The following RGS9 variants were observed in gnomAD, a reference collection of about 807,000 sequenced individuals.
The protein encoded by RGS9 is regulator of G-protein signalling 9.
In RGS9, 78 loss-of-function variants were observed where a neutral mutation model predicts 102.0. The ratio of observed to expected loss-of-function variants is 0.76; its 90% CI spans 0.64 to 0.92. The LOEUF (loss-of-function observed/expected upper bound fraction) is 0.92, where lower values mean the gene tolerates loss of function less well. Ranked by LOEUF, RGS9 falls within the 40% of genes least tolerant of loss-of-function variation. The pLI is 0.00. For synonymous variants in RGS9, 353 were observed against 318.6 expected, an observed-to-expected ratio of 1.11 and a Z score of -1.15; for missense variants, 833 against 866.1, an observed-to-expected ratio of 0.96 and a Z score of 0.48.
rs1187294432 is a variant in RGS9 at position 65,158,156 on chromosome 17, T to C, written c.155-139T>C. On this transcript the variant is annotated intron_variant, in intron 2 of 18. Coordinates refer to ENST00000262406, the MANE Select transcript of RGS9 (RefSeq NM_003835.4). ...AGAGCTGGGACTGAGCATGATGAGG[T>C]GGGGGTTTCTGAAGGTTCTGAGCGA... 4 of 796,572 alleles carry C rather than the reference T, an allele frequency of 5.0e-6. No homozygotes were observed. The African/African-American group carries it at 6.8e-5, about 13-fold the overall frequency. 49.3% of individuals were successfully genotyped at this position (796,572 alleles called of 1,614,324 possible).
intron 7 of RGS9, 68 bp downstream of exon 7, chr17:65,163,157 T>C: frequency 1.4e-6 from 1 of 720,716 alleles, no homozygotes; most frequent in Non-Finnish European, 2.2e-6. Flanking sequence ...TTTGTTTCTT[T>C]TTATTTATTT....
At chr17:65,193,806 A>T (rs751529381) in intron 12 of RGS9, 150 bp downstream of exon 12, 30 of 642,588 alleles carry the variant, frequency 4.7e-5, no homozygotes, top group Non-Finnish European at 7.5e-5. Context: ...TTCATTACAC[A>T]AAAAAGAAAC....
At chr17:65,154,703 G>A (rs968174168) in intron 2 of RGS9, among the ~76,000 whole-genome samples, 1 of 152,122 alleles carries the variant, frequency 6.6e-6, no homozygotes, top group East Asian at 1.9e-4. Context: ...AGGGCTGGAC[G>A]CCAATATTAA....
chr17:65,227,427 T>C lies in RGS9; in HGVS notation c.*20T>C. On this transcript the variant is annotated 3_prime_UTR_variant, in exon 19 of 19. Coordinates refer to ENST00000262406, the MANE Select transcript of RGS9 (RefSeq NM_003835.4). ...CTGTAAGGAAAGAGGCAGGCTGAGC[T>C]GGGGGCTCTGGACCAGGAAGATGCT... is the stretch of plus-strand genomic sequence containing the variant. The C allele has an allele frequency of 6.2e-7, 1 of 1,605,834 alleles. No individual in the cohort carries two copies. Among genetic ancestry groups the C allele is most frequent in the East Asian group, 2.2e-5 (1 of 44,466 alleles).
chr17:65,157,883 C>A (rs1253640883), intron 2 of RGS9, among the ~76,000 whole-genome samples: 1 of 152,022 alleles, frequency 6.6e-6, no homozygotes, highest in African/African-American at 2.4e-5. Context: ...CAGAGCCCTG[C>A]AAACAGCTTG....
intron 8 of RGS9, among the ~76,000 whole-genome samples, chr17:65,176,582 C>T (rs1215102107): frequency 2.0e-5 from 3 of 152,202 alleles, no homozygotes; most frequent in African/African-American, 7.2e-5. Context: ...GATGAAACCA[C>T]AGAGTGTGGG....
At position 65,160,887 on chromosome 17, in the gene RGS9, G is replaced by A. The variant is rs752804159; in HGVS notation, c.401G>A (p.Gly134Glu). 2 of 1,613,666 alleles carry A rather than the reference G, an allele frequency of 1.2e-6. No individual in the cohort carries two copies. Among genetic ancestry groups the A allele is most frequent in the Admixed American group, 1.7e-5 (1 of 60,006 alleles). Residue 134 changes from glycine (G) to glutamate (E), a missense_variant, in exon 6 of 19, where the codon GGG (glycine) becomes GAG (glutamate). Physicochemically the swap from Gly to Glu is moderately conservative, Grantham distance 98. Around this residue, in one of 3 missense-constraint regions of RGS9, gnomAD observed 328 missense variants for 340.6 expected, o/e 0.96. Transcript: ENST00000262406. The stretch of plus-strand genomic sequence containing the variant: ...GCCAAGCGAAATATCAAAAAGAAAG[G>A]GATTTTGGAAGAATATGAAAAGGTA... Reference protein sequence around the residue: ...YLAKRNIKKKGILEEYEKENY... With the variant: ...YLAKRNIKKKEILEEYEKENY...
Position 65,153,462 on chromosome 17 carries a change from GGGTCCGAATGCAGAACCAGA to G in RGS9, c.101_120del (p.Val34GlyfsTer14). ...AAGGACATGCAGAACCCAGAGACAG[GGGTCCGAATGCAGAACCAGA>G]GGGTCCTGGTCACCAGCGTTCCTCA... On this transcript the variant is annotated frameshift_variant, in exon 2 of 19. Transcript: ENST00000262406. LOFTEE classifies it high-confidence loss of function. The G allele has an allele frequency of 6.2e-7, 1 of 1,614,184 alleles. No homozygotes were observed. The highest frequency in any genetic ancestry group is 8.5e-7 in the Non-Finnish European group (1 of 1,180,004).
At chr17:65,189,419 T>A in intron 10 of RGS9, 104 bp downstream of exon 10, 1 of 866,750 alleles carries the variant, frequency 1.2e-6, no homozygotes, top group South Asian at 1.4e-5. Flanking sequence ...GAAAACCACG[T>A]GCAATGTTCA....
rs755329203 is a variant in RGS9, at chr17:65,225,309, C to T, written c.1715C>T (p.Ala572Val). The change falls in exon 18 of 19, where the codon GCC (alanine) becomes GTC (valine). Residue 572 changes from alanine (A) to valine (V), a missense_variant. Around this residue, in one of 3 missense-constraint regions of RGS9, gnomAD observed 320 missense variants for 276.8 expected, o/e 1.16. Transcript: ENST00000262406. ...DTSWPRSRPR[A>V]PPKARMALSF... Reference sequence around the variant, plus strand: ...TCCTGGCCTCGCAGCCGGCCCAGGGCCCCTCCTAAGGCCCGCATGGCTCTG... The same window carrying T: ...TCCTGGCCTCGCAGCCGGCCCAGGGTCCCTCCTAAGGCCCGCATGGCTCTG... 2 of 1,610,064 alleles carry T rather than the reference C, an allele frequency of 1.2e-6. No individual in the cohort carries two copies. The highest frequency in any genetic ancestry group is 1.3e-5 in the African/African-American group (1 of 75,048).
intron 16 of RGS9, among the ~76,000 whole-genome samples, chr17:65,209,686 C>A (rs1598617991): frequency 6.6e-6 from 1 of 152,190 alleles, no homozygotes; most frequent in Admixed American, 6.5e-5. Context: ...AGCCCACCAG[C>A]CCTCTTCAGG....
chr17:65,197,268 TA>T, intron 13 of RGS9, 27 bp downstream of exon 13: 1 of 1,411,870 alleles, frequency 7.1e-7, no homozygotes, highest in Non-Finnish European at 9.9e-7. Context: ...AAAAAAAAAT[TA>T]AAATAACTTA....
At chr17:65,177,356 C>T (rs755309727) in intron 8 of RGS9, among the ~76,000 whole-genome samples, 3 of 151,928 alleles carry the variant, frequency 2.0e-5, no homozygotes, top group Non-Finnish European at 4.4e-5. Flanking sequence ...CACTCACCCA[C>T]CCATCAACCA....
chr17:65,208,083 T>G (rs1913141030), intron 16 of RGS9, 76 bp downstream of exon 16: 1 of 962,230 alleles, frequency 1.0e-6, no homozygotes, highest in Non-Finnish European at 1.7e-6. Flanking sequence ...TTCAGCCAAA[T>G]GGCTATTATG....
intron 17 of RGS9, among the ~76,000 whole-genome samples, chr17:65,223,272 T>G (rs1567896582): frequency 6.6e-6 from 1 of 152,248 alleles, no homozygotes; most frequent in Admixed American, 6.5e-5. Context: ...AATAACCCCA[T>G]GGCCCTGGGC....
intron 8 of RGS9, 150 bp from the exon 9 acceptor site, chr17:65,177,582 G>T: frequency 1.3e-6 from 1 of 796,724 alleles, no homozygotes; most frequent in Non-Finnish European, 2.3e-6. Context: ...CTCACCTGGA[G>T]GGTTTACACC....
intron 17 of RGS9, among the ~76,000 whole-genome samples, chr17:65,213,077 C>T (rs2035495178): frequency 6.6e-6 from 1 of 152,194 alleles, no homozygotes; most frequent in East Asian, 1.9e-4. Context: ...GTCACTTAAC[C>T]TCTCTACATC....
At chr17:65,214,501 T>C (rs1913416874) in intron 17 of RGS9, among the ~76,000 whole-genome samples, 1 of 152,112 alleles carries the variant, frequency 6.6e-6, no homozygotes, top group African/African-American at 2.4e-5. Flanking sequence ...GGCTGGGGGA[T>C]CATGATAAGG....
At chr17:65,177,581 A>C in intron 8 of RGS9, 151 bp from the exon 9 acceptor site, 5 of 792,720 alleles carry the variant, frequency 6.3e-6, no homozygotes, top group Non-Finnish European at 1.1e-5. Flanking sequence ...GCTCACCTGG[A>C]GGGTTTACAC....
Sources: allele counts gnomAD v4.1 joint callset (sites outside exome capture counted in the v4.1 genomes callset), GRCh38; gene constraint gnomAD v4.1.1; regional missense constraint gnomAD v4.1.1; transcripts MANE v1.5; gene names NCBI Gene and HGNC (gene_info 2026-07-23, HGNC 2026-07-21).